Variants in TIAM1 observed in about 807,000 individuals in gnomAD.
The protein encoded by TIAM1 is rho guanine nucleotide exchange factor TIAM1.
A neutral mutation model predicts 163.5 loss-of-function variants in TIAM1; 65 were observed. The ratio of observed to expected loss-of-function variants is 0.40; its 90% confidence interval spans 0.33 to 0.49. TIAM1 has a LOEUF of 0.49. Among genes scored for constraint, TIAM1 ranks in the 20% least tolerant of loss-of-function variants. The pLI, the probability that TIAM1 is intolerant of heterozygous loss-of-function variation, is 0.77. For missense variants in TIAM1, 1,789 were observed against 2,044.7 expected (o/e 0.87, Z 2.41); for synonymous variants, 833 against 810.1 (o/e 1.03, Z -0.48).
intron 1 of TIAM1, among the ~76,000 whole-genome samples, chr21:31,518,219 T>C (rs2047446584): frequency 1.3e-5 from 2 of 152,108 alleles, no homozygotes; most frequent in Admixed American, 6.5e-5. Context: ...TTGGGGCCAG[T>C]GGAACTCATT....
At chr21:31,506,480 G>A (rs979355793) in intron 1 of TIAM1, among the ~76,000 whole-genome samples, 7 of 151,994 alleles carry the variant, frequency 4.6e-5, no homozygotes, top group South Asian at 2.1e-4. Flanking sequence ...GTCTATACCC[G>A]TCCAACACAA....
intron 14 of TIAM1, among the ~76,000 whole-genome samples, chr21:31,185,994 C>T (rs879551832): frequency 1.5e-4 from 23 of 152,290 alleles, no homozygotes; most frequent in Admixed American, 5.9e-4. Context: ...GCCTCCTAAA[C>T]GGCGAGAGGA....
At chr21:31,475,193 C>T (rs2045899982) in intron 1 of TIAM1, among the ~76,000 whole-genome samples, 1 of 151,960 alleles carries the variant, frequency 6.6e-6, no homozygotes, top group African/African-American at 2.4e-5. Flanking sequence ...GCTGGGACTA[C>T]AGGTGCACAT....
At chr21:31,542,562 C>T (rs994658614) in intron 1 of TIAM1, among the ~76,000 whole-genome samples, 1 of 152,224 alleles carries the variant, frequency 6.6e-6, no homozygotes, top group Non-Finnish European at 1.5e-5. Context: ...TTACTACTCC[C>T]TCAAGGATCA....
At chr21:31,123,835 G>A (rs1482377638) in intron 27 of TIAM1, 8 of 152,156 alleles carry the variant, frequency 5.3e-5, no homozygotes, top group Non-Finnish European at 1.0e-4. Context: ...CCATTGACAG[G>A]TGGCAGTATT....
chr21:31,251,713 G>A (rs2071814363), intron 5 of TIAM1, 29 bp downstream of exon 5: 1 of 1,546,358 alleles, frequency 6.5e-7, no homozygotes. Flanking sequence ...GGTGCATTTG[G>A]CACATAGCCG....
chr21:31,272,694 C>A (rs1450193763), intron 3 of TIAM1, among the ~76,000 whole-genome samples: 2 of 152,132 alleles, frequency 1.3e-5, no homozygotes, highest in African/African-American at 4.8e-5. Context: ...ACTGAATATT[C>A]TAATGAAACT....
chr21:31,501,660 T>C (rs1172331634), intron 1 of TIAM1, among the ~76,000 whole-genome samples: 1 of 152,176 alleles, frequency 6.6e-6, no homozygotes, highest in Non-Finnish European at 1.5e-5. Flanking sequence ...TGGAGTGCAG[T>C]GGCGCGATCT....
intron 2 of TIAM1, among the ~76,000 whole-genome samples, chr21:31,408,625 T>C (rs2077289710): frequency 6.6e-6 from 1 of 152,200 alleles, no homozygotes; most frequent in African/African-American, 2.4e-5. Flanking sequence ...TCCCACAACT[T>C]AGAAAATTCT....
intron 6 of TIAM1, among the ~76,000 whole-genome samples, chr21:31,230,860 G>A (rs907711388): frequency 2.0e-5 from 3 of 152,144 alleles, no homozygotes; most frequent in Non-Finnish European, 4.4e-5. Context: ...GTAGAGAGGG[G>A]TTTCACCGTG....
chr21:31,455,009 G>A (rs1006875841), intron 2 of TIAM1, among the ~76,000 whole-genome samples: 13 of 152,056 alleles, frequency 8.5e-5, no homozygotes, highest in South Asian at 2.1e-4. Flanking sequence ...GTCCAGGCAC[G>A]GTGGCTCACA....
At chr21:31,214,557 G>GT (rs1374369779) in intron 9 of TIAM1, among the ~76,000 whole-genome samples, 2 of 151,808 alleles carry the variant, frequency 1.3e-5, no homozygotes, top group South Asian at 2.1e-4. Flanking sequence ...CAACATAGGG[G>GT]TTTTTTTAAT....
intron 16 of TIAM1, 64 bp downstream of exon 16, chr21:31,164,898 G>A: frequency 6.6e-7 from 1 of 1,517,260 alleles, no homozygotes; most frequent in African/African-American, 1.4e-5. Flanking sequence ...CTGTGTAGGT[G>A]ACATTGTCAG....
chr21:31,176,077 A>G (rs1401442822), intron 15 of TIAM1, among the ~76,000 whole-genome samples: 1 of 152,122 alleles, frequency 6.6e-6, no homozygotes, highest in Non-Finnish European at 1.5e-5. Context: ...ATGTCTGAAG[A>G]TATGTTTGAT....
At position 31,122,623 on chromosome 21, in the gene TIAM1, AATAG is replaced by A. The variant is rs547922493; in HGVS notation, c.4307-1790_4307-1787del. ...ATAAGTTTAAACATTTTCATAAGAA[AATAG>A]ATAGAACAAAGAAAAAAATTTTTAA... On this transcript the variant is annotated intron_variant, in intron 27 of 27. Coordinates refer to ENST00000541036, the MANE Select transcript of TIAM1 (RefSeq NM_001353694.2). Among the ~76,000 whole-genome samples, 505 of 152,370 alleles carry A rather than the reference AATAG, an allele frequency of 3.3e-3. 3 individuals carry two copies. Among genetic ancestry groups the A allele is most frequent in the African/African-American group, 0.011 (472 of 41,596 alleles).
chr21:31,120,659 C>T lies in TIAM1; in HGVS notation c.4485G>A (p.Glu1495=), dbSNP rs964890062. The T allele has an allele frequency of 6.2e-7, 1 of 1,614,000 alleles. No individual in the cohort carries two copies. The highest frequency in any genetic ancestry group is 8.5e-7 in the Non-Finnish European group (1 of 1,180,038). The part of the protein sequence containing the change: ...EEQFDLAQYE[E]QDDIKETDIL... ...TGTCTGTCTCCTTGATGTCATCTTGCTCCTCATACTGAGCAAGATCAAACT... is the reference window on the plus strand; with the variant it reads ...TGTCTGTCTCCTTGATGTCATCTTGTTCCTCATACTGAGCAAGATCAAACT... Residue 1495 remains glutamate (E), a synonymous_variant, in exon 28 of 28, where the codon GAG becomes GAA. Coordinates refer to ENST00000541036, the MANE Select transcript of TIAM1 (RefSeq NM_001353694.2). This position sits in a 1 kb window ranked among gnomAD's most constrained non-coding sequence, Gnocchi z 4.2.
chr21:31,430,233 T>TACAC (rs2043968313), intron 2 of TIAM1, among the ~76,000 whole-genome samples: 2 of 125,796 alleles, frequency 1.6e-5, no homozygotes, highest in African/African-American at 7.4e-5. Context: ...AAAATATATA[T>TACAC]ATATATATAT....
intron 2 of TIAM1, among the ~76,000 whole-genome samples, chr21:31,451,718 C>CGTGCGT (rs2044853028): frequency 7.0e-6 from 1 of 142,166 alleles, no homozygotes; most frequent in Non-Finnish European, 1.5e-5. Flanking sequence ...CATGTGTGTG[C>CGTGCGT]GTGTGTGTGT....
chr21:31,189,144 T>C (rs575964520), intron 13 of TIAM1, among the ~76,000 whole-genome samples: 4 of 130,624 alleles, frequency 3.1e-5, no homozygotes, highest in Non-Finnish European at 6.3e-5. Flanking sequence ...AACCTCTGCC[T>C]CCCAGGTTAA....
Sources: gnomAD v4.1 joint callset for allele counts (sites outside exome capture counted in the v4.1 genomes callset) on GRCh38, gnomAD v4.1.1 for gene constraint, Gnocchi (gnomAD v3.1) non-coding constraint, MANE v1.5 for transcripts, NCBI Gene and HGNC (gene_info 2026-07-23, HGNC 2026-07-21) for gene names.